Variants in DERA observed in about 807,000 individuals in gnomAD.
DERA encodes the protein deoxyribose-phosphate aldolase.
A neutral mutation model predicts 41.1 loss-of-function variants in DERA; 15 were observed. The ratio of observed to expected loss-of-function variants is 0.37; its 90% CI spans 0.24 to 0.56. The LOEUF (loss-of-function observed/expected upper bound fraction) is 0.56. Among genes scored for constraint, DERA ranks in the 20% least tolerant of loss-of-function variants. The pLI is 0.81. For missense variants in DERA, 396 were observed against 403.4 expected, an observed-to-expected ratio of 0.98 and a Z score of 0.16; for synonymous variants, 139 against 137.4, an observed-to-expected ratio of 1.01 and a Z score of -0.08.
At chr12:16,007,793 C>T (rs1948922461) in intron 6 of DERA, among the ~76,000 whole-genome samples, 1 of 152,114 alleles carries the variant, frequency 6.6e-6, no homozygotes, top group Non-Finnish European at 1.5e-5. Flanking sequence ...TCTACTATTG[C>T]TGAAGCTCCT....
rs1306705819 is a variant in DERA, at chr12:16,036,463, G to A, written c.900+82G>A. The A allele has an allele frequency of 6.9e-6, 10 of 1,456,004 alleles. No individual in the cohort carries two copies. The South Asian group carries it at 1.4e-4, about 20-fold the overall frequency. The allele number at this position is 1,456,004 out of a possible 1,614,324, so 90.2% of individuals were successfully genotyped here. A position where few individuals can be genotyped will look rare whatever the true frequency, so the allele number is the denominator to read the frequency against. On this transcript the variant is annotated intron_variant, in intron 8 of 8. Transcript: ENST00000428559. The surrounding 1 kb of genome is among the most constrained non-coding windows in gnomAD (Gnocchi z 4.9). ...TTGAAAAGTCAAATTGAGAACTGGA[G>A]ATAAAAACTCATCTGATTGACCTCA...
In DERA at chr12:15,966,157, C is replaced by T. The variant is rs1251485785; in HGVS notation, c.508+3210C>T. 6.6e-6 allele frequency among the ~76,000 whole-genome samples: 1 copy of T among 152,142 alleles called. No individual in the cohort carries two copies. Among genetic ancestry groups the T allele is most frequent in the Non-Finnish European group, 1.5e-5 (1 of 68,014 alleles). ...CAGCACTTTGGGAGGCTGAAACAGG[C>T]ACTTTGGGAGGCCTCATCACCTCTT... On this transcript the variant is annotated intron_variant, in intron 5 of 8. Transcript: ENST00000428559. The surrounding 1 kb of genome is among the most constrained non-coding windows in gnomAD (Gnocchi z 5.1).
At chr12:16,015,660 TAAC>T (rs1948976512) in intron 6 of DERA, among the ~76,000 whole-genome samples, 1 of 152,336 alleles carries the variant, frequency 6.6e-6, no homozygotes, top group South Asian at 2.1e-4. Context: ...CATCAATAGA[TAAC>T]TATCTATTTA....
chr12:15,955,721 G>C (rs925863980), intron 1 of DERA, among the ~76,000 whole-genome samples: 7 of 152,106 alleles, frequency 4.6e-5, no homozygotes, highest in African/African-American at 1.7e-4. Context: ...CTTTTAAGAA[G>C]AATGAAATGA....
At chr12:15,961,553 G>C (rs1948587869) in intron 4 of DERA, among the ~76,000 whole-genome samples, 1 of 152,100 alleles carries the variant, frequency 6.6e-6, no homozygotes, top group Admixed American at 6.5e-5. Context: ...AAGGTCATTA[G>C]CTTATTAGGA....
Position 16,036,431 on chromosome 12 carries a change from A to G in DERA, c.900+50A>G. The G allele has an allele frequency of 1.3e-6, 2 of 1,539,064 alleles. No individual in the cohort carries two copies. Reference sequence around the variant, plus strand: ...AATAAATTAACAAGTGTTTTTTGAGAAAGGAATTGAAAAGTCAAATTGAGA... The same window carrying G: ...AATAAATTAACAAGTGTTTTTTGAGGAAGGAATTGAAAAGTCAAATTGAGA... On this transcript the variant is annotated intron_variant, in intron 8 of 8. Transcript: ENST00000428559. The surrounding 1 kb of genome is among the most constrained non-coding windows in gnomAD (Gnocchi z 4.9).
chr12:15,975,050 C>T (rs1948687879), intron 5 of DERA, among the ~76,000 whole-genome samples: 1 of 152,306 alleles, frequency 6.6e-6, no homozygotes, highest in Non-Finnish European at 1.5e-5. Context: ...TGTAACCGCT[C>T]AGTGGGTTCA....
intron 1 of DERA, among the ~76,000 whole-genome samples, chr12:15,919,810 G>A (rs1370492191): frequency 6.6e-6 from 1 of 152,154 alleles, no homozygotes; most frequent in Non-Finnish European, 1.5e-5. Context: ...TCCTAAAAAG[G>A]TGCCACTTAA....
In DERA at chr12:15,957,146, G is replaced by T; in HGVS notation, c.129+113G>T. 1.3e-6 allele frequency: 1 copy of T among 775,884 alleles called. No individual in the cohort carries two copies. The highest frequency in any genetic ancestry group is 2.2e-6 in the Non-Finnish European group (1 of 452,386). The allele number at this position is 775,884 out of a possible 1,614,324, so 48.1% of individuals were successfully genotyped here. ...ATGCATCTAAACTTAAAAGATTGCAGCTGTCCATGACTTATTTTAATAATT... is the reference window on the plus strand; with the variant it reads ...ATGCATCTAAACTTAAAAGATTGCATCTGTCCATGACTTATTTTAATAATT... On this transcript the variant is annotated intron_variant, in intron 2 of 8. Coordinates refer to ENST00000428559, the MANE Select transcript of DERA (RefSeq NM_015954.4). This position sits in a 1 kb window ranked among gnomAD's most constrained non-coding sequence, Gnocchi z 4.8.
chr12:16,006,686 C>G (rs968512702), intron 6 of DERA, among the ~76,000 whole-genome samples: 7 of 152,254 alleles, frequency 4.6e-5, no homozygotes, highest in Non-Finnish European at 7.3e-5. Context: ...GTCTGCCTAT[C>G]TCTCAGAATG....
chr12:15,948,490 C>T (rs546665730), intron 1 of DERA, among the ~76,000 whole-genome samples: 3 of 152,324 alleles, frequency 2.0e-5, no homozygotes, highest in African/African-American at 7.2e-5. Flanking sequence ...TTGATCGAAT[C>T]AGCTACTGAA....
Position 15,992,584 on chromosome 12 carries a change from C to G in DERA, c.637+10148C>G, listed in dbSNP as rs571087235. Among the ~76,000 whole-genome samples the G allele has an allele frequency of 2.0e-4, 30 of 152,020 alleles. No individual in the cohort carries two copies. The highest frequency in any genetic ancestry group is 6.5e-4 in the African/African-American group (27 of 41,466). On this transcript the variant is annotated intron_variant, in intron 6 of 8. Transcript: ENST00000428559. This position sits in a 1 kb window ranked among gnomAD's most constrained non-coding sequence, Gnocchi z 4.3. Reference sequence around the variant, plus strand: ...AATACAGGAGGAACTAAAGTAGGAGCAAACAATTTGAAGGGAGTATAATCA... The same window carrying G: ...AATACAGGAGGAACTAAAGTAGGAGGAAACAATTTGAAGGGAGTATAATCA...
At chr12:15,914,227 C>T (rs901328672) in intron 1 of DERA, among the ~76,000 whole-genome samples, 4 of 151,866 alleles carry the variant, frequency 2.6e-5, no homozygotes, top group Non-Finnish European at 5.9e-5. Flanking sequence ...ACTAAAAATA[C>T]AAAAATTAGC....
In DERA at chr12:16,015,441, T is replaced by G. The variant is rs149073726; in HGVS notation, c.638-17101T>G. Among the ~76,000 whole-genome samples the G allele has an allele frequency of 1.0e-3, 155 of 152,354 alleles. 4 individuals are homozygous for G. The South Asian group carries it at 0.021, about 21-fold the overall frequency. On this transcript the variant is annotated intron_variant, in intron 6 of 8. Coordinates refer to ENST00000428559, the MANE Select transcript of DERA (RefSeq NM_015954.4). The stretch of plus-strand genomic sequence containing the variant: ...TCGTTACCCCTTCACTTGGCACATC[T>G]CCTTCTTGTCCCTTTGTGAAGAAGG...
chr12:16,033,856 A>G (rs1469018865), intron 7 of DERA, among the ~76,000 whole-genome samples: 1 of 152,146 alleles, frequency 6.6e-6, no homozygotes, highest in African/African-American at 2.4e-5. Flanking sequence ...TTCACATCTT[A>G]ATTACGAATA....
intron 1 of DERA, among the ~76,000 whole-genome samples, chr12:15,945,529 T>C (rs552513904): frequency 2.6e-5 from 4 of 152,244 alleles, no homozygotes; most frequent in Admixed American, 2.0e-4. Context: ...TGGCTCTCTG[T>C]CTGTTATTGG....
At position 16,017,006 on chromosome 12, in the gene DERA, T is replaced by C. The variant is rs1948987471; in HGVS notation, c.638-15536T>C. On this transcript the variant is annotated intron_variant, in intron 6 of 8. Coordinates refer to ENST00000428559, the MANE Select transcript of DERA (RefSeq NM_015954.4). The surrounding 1 kb of genome is among the most constrained non-coding windows in gnomAD (Gnocchi z 5.5). ...GGTGCTTGTTTCGATCAGGTGCGTC[T>C]ACCAGTATTTTGAAGGGTTTGCATA... 6.6e-6 allele frequency among the ~76,000 whole-genome samples: 1 copy of C among 152,202 alleles called. No individual in the cohort carries two copies. Among genetic ancestry groups the C allele is most frequent in the Non-Finnish European group, 1.5e-5 (1 of 68,042 alleles).
chr12:16,027,344 G>T (rs1949060097), intron 6 of DERA, among the ~76,000 whole-genome samples: 1 of 152,216 alleles, frequency 6.6e-6, no homozygotes, highest in Non-Finnish European at 1.5e-5. Flanking sequence ...GTAGGCTAAA[G>T]ATGACTCCTG....
intron 1 of DERA, among the ~76,000 whole-genome samples, chr12:15,953,493 C>A (rs1284128877): frequency 6.6e-6 from 1 of 152,018 alleles, no homozygotes; most frequent in Non-Finnish European, 1.5e-5. Context: ...TATTTGAGGA[C>A]AAATTTATAA....
Sources: gnomAD v4.1 joint callset for allele counts (sites outside exome capture counted in the v4.1 genomes callset) on GRCh38, gnomAD v4.1.1 for gene constraint, Gnocchi (gnomAD v3.1) non-coding constraint, MANE v1.5 for transcripts, NCBI Gene and HGNC (gene_info 2026-07-23, HGNC 2026-07-21) for gene names.